ATP11C: variants seen among roughly 807,000 people sequenced by gnomAD.
ATP11C encodes the protein phospholipid-transporting ATPase IG.
Under a neutral mutation model 97.4 loss-of-function variants are expected in ATP11C, and 36 were observed. The ratio of observed to expected loss-of-function variants is 0.37; its 90% CI spans 0.28 to 0.49. The LOEUF (loss-of-function observed/expected upper bound fraction) is 0.49, where lower values mean the gene tolerates loss of function less well. Among genes scored for constraint, ATP11C ranks in the 20% least tolerant of loss-of-function variants. ATP11C has a pLI of 0.98. For missense variants in ATP11C, 730 were observed against 824.6 expected (o/e 0.89, Z 1.40); for synonymous variants, 275 against 290.9 (o/e 0.95, Z 0.56).
At chrX:139,892,677 C>T (rs932938265) in intron 1 of ATP11C, among the ~76,000 whole-genome samples, 1 of 112,141 alleles carries the variant, frequency 8.9e-6, no homozygotes, top group Non-Finnish European at 1.9e-5. Context: ...TTAATCACAA[C>T]GAGCCAGACA....
chrX:139,764,747 C>A (rs1240296898), intron 20 of ATP11C, among the ~76,000 whole-genome samples: 6 of 111,781 alleles, frequency 5.4e-5, no homozygotes, highest in Non-Finnish European at 1.1e-4. Context: ...TTAAATAGTA[C>A]AAAAAACCCC....
chrX:139,765,510 G>A (rs1307070854), intron 20 of ATP11C, among the ~76,000 whole-genome samples: 1 of 112,124 alleles, frequency 8.9e-6, no homozygotes, highest in Non-Finnish European at 1.9e-5. Context: ...TACCATACAT[G>A]CCAGAGTGAT....
intron 18 of ATP11C, among the ~76,000 whole-genome samples, chrX:139,776,979 A>G (rs2082361158): frequency 1.8e-5 from 2 of 111,751 alleles, no homozygotes. Context: ...CATACACAAC[A>G]TATACCACAG....
intron 5 of ATP11C, among the ~76,000 whole-genome samples, chrX:139,805,477 G>A (rs1338677970): frequency 2.7e-5 from 3 of 112,035 alleles, no homozygotes; most frequent in African/African-American, 9.7e-5. Flanking sequence ...CTTCAAAGGT[G>A]TTAATTATAA....
chrX:139,777,861 G>GT (rs200269673), intron 18 of ATP11C, among the ~76,000 whole-genome samples: 6,248 of 109,514 alleles, frequency 0.057, 444 homozygotes, highest in African/African-American at 0.2. Flanking sequence ...TGGGGATGTA[G>GT]TTTGGCCTTT....
intron 1 of ATP11C, among the ~76,000 whole-genome samples, chrX:139,828,738 C>A (rs2083583408): frequency 9.0e-6 from 1 of 111,585 alleles, no homozygotes; most frequent in Non-Finnish European, 1.9e-5. Context: ...GGGGAAGAGG[C>A]AAAGGAGGTA....
At chrX:139,730,975 T>C (rs774086185) in intron 29 of ATP11C, among the ~76,000 whole-genome samples, 3 of 111,766 alleles carry the variant, frequency 2.7e-5, no homozygotes, top group African/African-American at 6.5e-5. Flanking sequence ...TTTGGAAACA[T>C]TAATTATAAA....
chrX:139,884,039 C>T (rs1035961655), intron 1 of ATP11C, among the ~76,000 whole-genome samples: 12 of 111,636 alleles, frequency 1.1e-4, no homozygotes, highest in African/African-American at 3.6e-4. Flanking sequence ...TGGTATTATC[C>T]AAAAATTGTC....
chrX:139,882,943 C>T (rs1024963145), intron 1 of ATP11C, among the ~76,000 whole-genome samples: 4 of 110,954 alleles, frequency 3.6e-5, no homozygotes, highest in Admixed American at 9.7e-5. Context: ...TCAGTGGAGG[C>T]CTTGTATGTC....
chrX:139,850,809 G>A (rs2083978264), intron 1 of ATP11C, among the ~76,000 whole-genome samples: 2 of 110,500 alleles, frequency 1.8e-5, no homozygotes, highest in Non-Finnish European at 3.8e-5. Context: ...CTACTCGGGA[G>A]GCTGAGGCAG....
At position 139,862,386 on chromosome X, in the gene ATP11C, C is replaced by T. The variant is rs1423778553; in HGVS notation, c.28-35563G>A. 8.0e-5 allele frequency among the ~76,000 whole-genome samples: 9 copies of T among 111,802 alleles called. No individual in the cohort carries two copies. The Admixed American group carries it at 8.6e-4, about 11-fold the overall frequency. ...CGGTCAGAAGTTGCAGAGGCCCAGA[C>T]TTGGAACTGGTGCCTGGGAGAGGGG... On this transcript the variant is annotated intron_variant, in intron 1 of 29. Coordinates refer to ENST00000682941, the MANE Select transcript of ATP11C (RefSeq NM_001353812.2).
intron 12 of ATP11C, among the ~76,000 whole-genome samples, chrX:139,791,776 G>A (rs1414616395): frequency 2.7e-5 from 3 of 111,351 alleles, no homozygotes; most frequent in African/African-American, 9.8e-5. Context: ...AAGGAATGAA[G>A]GGGGAGGCTG....
chrX:139,760,306 T>C (rs943086546), intron 22 of ATP11C, among the ~76,000 whole-genome samples: 1 of 111,893 alleles, frequency 8.9e-6, no homozygotes, highest in Non-Finnish European at 1.9e-5. Context: ...GTTACCATCA[T>C]CATTATCATC....
chrX:139,814,472 T>C (rs2083242518), intron 5 of ATP11C, among the ~76,000 whole-genome samples: 1 of 111,822 alleles, frequency 8.9e-6, no homozygotes, highest in Non-Finnish European at 1.9e-5. Flanking sequence ...ACCCAAAAGG[T>C]AGAAACAACC....
rs147322268 is a variant in ATP11C, at chrX:139,775,926, C to T, written c.1953-973G>A. 3.4e-4 allele frequency among the ~76,000 whole-genome samples: 38 copies of T among 112,853 alleles called. No individual in the cohort carries two copies. In the East Asian group the frequency reaches 9.6e-3, roughly 28 times the overall value. On this transcript the variant is annotated intron_variant, in intron 18 of 29. Transcript: ENST00000682941. ...CAGATTCCCTGCAAATATACTCCAA[C>T]CCGCTCTGACTTTGGCAAGCTCATG... is the stretch of plus-strand genomic sequence containing the variant.
intron 28 of ATP11C, among the ~76,000 whole-genome samples, chrX:139,735,769 A>G (rs900472313): frequency 9.2e-6 from 1 of 109,254 alleles, no homozygotes; most frequent in Non-Finnish European, 1.9e-5. Context: ...GCATTTTCTC[A>G]TAAGAAAAAA....
intron 18 of ATP11C, among the ~76,000 whole-genome samples, chrX:139,781,474 G>A (rs1366635844): frequency 8.9e-6 from 1 of 112,316 alleles, no homozygotes; most frequent in Non-Finnish European, 1.9e-5. Flanking sequence ...AACACTTTCG[G>A]AGGTCAAGAC....
At chrX:139,730,705 T>C (rs1253844332) in intron 29 of ATP11C, among the ~76,000 whole-genome samples, 1 of 111,185 alleles carries the variant, frequency 9.0e-6, no homozygotes, top group Non-Finnish European at 1.9e-5. Context: ...TATGTGTGCA[T>C]GAAAGATGGC....
intron 1 of ATP11C, among the ~76,000 whole-genome samples, chrX:139,921,384 G>A (rs1344199642): frequency 1.8e-5 from 2 of 111,005 alleles, no homozygotes; most frequent in African/African-American, 6.6e-5. Flanking sequence ...CCCTTCACTC[G>A]GCACTTCTCC....
Sources: allele counts gnomAD v4.1 joint callset (sites outside exome capture counted in the v4.1 genomes callset), GRCh38; gene constraint gnomAD v4.1.1; transcripts MANE v1.5; gene names NCBI Gene and HGNC (gene_info 2026-07-23, HGNC 2026-07-21).